EGFLAM: variants seen among roughly 807,000 people sequenced by gnomAD.
The protein encoded by EGFLAM is EGF like, fibronectin type III and laminin G domains, also known as pikachurin.
Under a neutral mutation model 113.1 loss-of-function variants are expected in EGFLAM, and 79 were observed. That is an observed-to-expected ratio of 0.70 (90% CI 0.58 to 0.84). EGFLAM has a LOEUF of 0.84. Ranked by LOEUF, EGFLAM falls within the 40% of genes least tolerant of loss-of-function variation. The pLI is 0.00. For missense variants in EGFLAM, 1,265 were observed against 1,291.6 expected (o/e 0.98, Z 0.32); for synonymous variants, 504 against 487.6 (o/e 1.03, Z -0.44).
intron 12 of EGFLAM, among the ~76,000 whole-genome samples, chr5:38,423,482 A>C (rs7729573): frequency 0.058 from 8,866 of 152,280 alleles, 880 homozygotes; most frequent in African/African-American, 0.2. Flanking sequence ...TAAGACTTGT[A>C]ATGTAATCCT....
At chr5:38,304,406 G>A (rs566483412) in intron 1 of EGFLAM, among the ~76,000 whole-genome samples, 1 of 152,234 alleles carries the variant, frequency 6.6e-6, no homozygotes, top group Admixed American at 6.5e-5. Context: ...TGAACAGGGG[G>A]CATCCATCAC....
chr5:38,321,075 A>T (rs1395804197), intron 1 of EGFLAM, among the ~76,000 whole-genome samples: 1 of 152,134 alleles, frequency 6.6e-6, no homozygotes, highest in African/African-American at 2.4e-5. Flanking sequence ...TTACATTGTA[A>T]TATATAATGA....
intron 18 of EGFLAM, among the ~76,000 whole-genome samples, chr5:38,449,405 T>A (rs923585885): frequency 2.0e-5 from 3 of 152,316 alleles, no homozygotes; most frequent in Non-Finnish European, 2.9e-5. Context: ...TACGTTGTCT[T>A]GGCATGGGGA....
At chr5:38,289,774 G>A (rs529868886) in intron 1 of EGFLAM, among the ~76,000 whole-genome samples, 1 of 152,232 alleles carries the variant, frequency 6.6e-6, no homozygotes, top group African/African-American at 2.4e-5. Context: ...GGAAGGCCAG[G>A]GTCCTGCATT....
intron 6 of EGFLAM, among the ~76,000 whole-genome samples, chr5:38,388,929 AAAAC>A (rs925483568): frequency 2.9e-5 from 4 of 138,028 alleles, no homozygotes; most frequent in African/African-American, 1.1e-4. Flanking sequence ...AAAAAAAAAA[AAAAC>A]AAAAAAAAAT....
chr5:38,294,565 G>A (rs1031260870), intron 1 of EGFLAM, among the ~76,000 whole-genome samples: 4 of 151,982 alleles, frequency 2.6e-5, no homozygotes, highest in African/African-American at 9.7e-5. Context: ...TATAGTATAA[G>A]CATAGAAGGT....
rs369562167 is a variant in EGFLAM, at chr5:38,370,285, A to T, written c.546-11A>T. 5.6e-5 allele frequency: 90 copies of T among 1,609,070 alleles called. No individual in the cohort carries two copies. The highest frequency in any genetic ancestry group is 7.3e-5 in the Non-Finnish European group (86 of 1,176,268). ...GAACTACTGCTTCTTCTGTTTTTCT[A>T]ATCAATAAAGGCCAGATTTCGACAA... On this transcript the variant is annotated splice_polypyrimidine_tract_variant and intron_variant, in intron 5 of 21. Transcript: ENST00000322350.
Position 38,425,059 on chromosome 5 carries a change from C to A in EGFLAM, c.1777C>A (p.Pro593Thr). ...AGCCGACTCCTACATTTGCCTCTGTCCCCTTGGGTTTAAAGGTCGACACTG... is the reference window on the plus strand; with the variant it reads ...AGCCGACTCCTACATTTGCCTCTGTACCCTTGGGTTTAAAGGTCGACACTG... Reference protein sequence around the residue: ...IKADSYICLCPLGFKGRHCED... With the variant: ...IKADSYICLCTLGFKGRHCED... Residue 593 changes from proline to threonine, a missense_variant, in exon 13 of 22, where the codon CCC becomes ACC. Transcript: ENST00000322350. 1 of 1,614,048 alleles carries A rather than the reference C, an allele frequency of 6.2e-7. No homozygotes were observed. The highest frequency in any genetic ancestry group is 8.5e-7 in the Non-Finnish European group (1 of 1,179,982).
At chr5:38,365,809 T>C (rs565163192) in intron 5 of EGFLAM, among the ~76,000 whole-genome samples, 1 of 152,344 alleles carries the variant, frequency 6.6e-6, no homozygotes, top group East Asian at 1.9e-4. Context: ...AATGTTTACT[T>C]ACTGTGAGTC....
chr5:38,357,465 G>A (rs2112001890), intron 5 of EGFLAM, among the ~76,000 whole-genome samples: 1 of 152,182 alleles, frequency 6.6e-6, no homozygotes, highest in African/African-American at 2.4e-5. Context: ...AGGATGAAAG[G>A]CTTTGGGTGG....
intron 17 of EGFLAM, among the ~76,000 whole-genome samples, chr5:38,441,478 T>G (rs529906805): frequency 1.3e-5 from 2 of 152,058 alleles, no homozygotes; most frequent in Non-Finnish European, 2.9e-5. Context: ...GGACCCATCC[T>G]GTGTCCCAGT....
chr5:38,404,851 C>T (rs992028802), intron 6 of EGFLAM, among the ~76,000 whole-genome samples: 2 of 152,198 alleles, frequency 1.3e-5, no homozygotes, highest in Non-Finnish European at 2.9e-5. Context: ...TGGAGCCGCT[C>T]TTTAAAAGGC....
chr5:38,407,228 G>A, intron 8 of EGFLAM, 82 bp downstream of exon 8: 3 of 1,415,604 alleles, frequency 2.1e-6, no homozygotes, highest in South Asian at 1.3e-5. Context: ...TCCAAACATA[G>A]TTCCTTCTAG....
intron 1 of EGFLAM, among the ~76,000 whole-genome samples, chr5:38,301,497 G>A (rs1052075464): frequency 2.0e-5 from 3 of 152,134 alleles, no homozygotes; most frequent in East Asian, 1.9e-4. Context: ...GAGACAGTGG[G>A]TATAGATGAC....
At chr5:38,451,663 G>A in intron 19 of EGFLAM, 1 of 673,632 alleles carries the variant, frequency 1.5e-6, no homozygotes, top group Non-Finnish European at 2.3e-6. Flanking sequence ...TGGCCTGCAG[G>A]CCAAATCTGA....
intron 21 of EGFLAM, 145 bp downstream of exon 21, chr5:38,463,156 C>A: frequency 2.6e-6 from 2 of 771,408 alleles, no homozygotes; most frequent in Non-Finnish European, 4.1e-6. Flanking sequence ...CCTTCATTTT[C>A]TGAACTGCTG....
chr5:38,273,640 C>T (rs9716524), intron 1 of EGFLAM, among the ~76,000 whole-genome samples: 62,944 of 152,122 alleles, frequency 0.41, 13,565 homozygotes, highest in Middle Eastern at 0.56. Context: ...AGGGCCCCCA[C>T]GCACTGCAAT....
chr5:38,431,322 G>A, intron 15 of EGFLAM, 34 bp downstream of exon 15: 4 of 1,598,052 alleles, frequency 2.5e-6, no homozygotes, highest in Non-Finnish European at 3.4e-6. Flanking sequence ...TTGATGGTTA[G>A]TGTGAGCCAG....
intron 1 of EGFLAM, among the ~76,000 whole-genome samples, chr5:38,269,780 C>T (rs920253606): frequency 2.6e-5 from 4 of 152,128 alleles, no homozygotes; most frequent in Admixed American, 6.5e-5. Context: ...TGAGCCACTG[C>T]GCCTGGCCTG....
Sources: allele counts gnomAD v4.1 joint callset (sites outside exome capture counted in the v4.1 genomes callset), GRCh38; gene constraint gnomAD v4.1.1; transcripts MANE v1.5; gene names NCBI Gene and HGNC (gene_info 2026-07-23, HGNC 2026-07-21).